Variants in CCAR1 observed in about 807,000 individuals in gnomAD.
CCAR1 encodes cell division cycle and apoptosis regulator 1, also known as cell division cycle and apoptosis regulator protein 1.
A neutral mutation model predicts 163.8 loss-of-function variants in CCAR1; 78 were observed. The ratio of observed to expected loss-of-function variants is 0.48; its 90% confidence interval spans 0.40 to 0.57. CCAR1 has a LOEUF of 0.57. Ranked by LOEUF, CCAR1 falls within the 20% of genes least tolerant of loss-of-function variation. The pLI, the probability that CCAR1 is intolerant of heterozygous loss-of-function variation, is 0.00. For synonymous variants in CCAR1, 443 were observed against 460.7 expected, an observed-to-expected ratio of 0.96 and a Z score of 0.49; for missense variants, 1,019 against 1,365.2, an observed-to-expected ratio of 0.75 and a Z score of 4.00.
chr10:68,722,282 G>A (rs2055870402), intron 1 of CCAR1, among the ~76,000 whole-genome samples, 173 bp from the exon 2 acceptor site: 1 of 152,134 alleles, frequency 6.6e-6, no homozygotes, highest in African/African-American at 2.4e-5. Flanking sequence ...GATGTAAAAT[G>A]TTTTTGCTGC....
At chr10:68,789,648 C>T (rs1470389782) in intron 23 of CCAR1, 62 bp from the exon 24 acceptor site, 1 of 961,606 alleles carries the variant, frequency 1.0e-6, no homozygotes, top group African/African-American at 1.7e-5. Flanking sequence ...AATATTTTAA[C>T]CTCAAAGTTA....
chr10:68,767,647 C>G (rs1317761603), intron 17 of CCAR1, among the ~76,000 whole-genome samples: 2 of 152,164 alleles, frequency 1.3e-5, no homozygotes, highest in Non-Finnish European at 2.9e-5. Flanking sequence ...CAGGTTTGAG[C>G]AGTTCCCCTC....
At chr10:68,770,897 G>A (rs537534159) in intron 17 of CCAR1, among the ~76,000 whole-genome samples, 31 of 152,282 alleles carry the variant, frequency 2.0e-4, no homozygotes, top group African/African-American at 7.5e-4. Context: ...CTGACATGGT[G>A]AAACCCTGTC....
chr10:68,725,065 C>T (rs570126672), intron 2 of CCAR1, among the ~76,000 whole-genome samples: 1 of 151,820 alleles, frequency 6.6e-6, no homozygotes, highest in South Asian at 2.1e-4. Flanking sequence ...TTGAACCCGG[C>T]GGAGGTTGCG....
At chr10:68,776,075 C>T (rs930332937) in intron 19 of CCAR1, among the ~76,000 whole-genome samples, 19 of 151,434 alleles carry the variant, frequency 1.3e-4, no homozygotes, top group East Asian at 1.2e-3. Context: ...GTGATTTACC[C>T]GCCTCAGCCT....
At chr10:68,762,561 T>G (rs2056486634) in intron 16 of CCAR1, among the ~76,000 whole-genome samples, 1 of 152,130 alleles carries the variant, frequency 6.6e-6, no homozygotes, top group Non-Finnish European at 1.5e-5. Flanking sequence ...TTTCTGAATT[T>G]GAAATATAGG....
chr10:68,758,583 A>G (rs1321664402), intron 15 of CCAR1, among the ~76,000 whole-genome samples: 1 of 149,412 alleles, frequency 6.7e-6, no homozygotes, highest in Admixed American at 6.7e-5. Flanking sequence ...ACACGTTTGT[A>G]TATATGTACA....
chr10:68,786,808 G>T, intron 21 of CCAR1, 116 bp downstream of exon 21: 1 of 846,208 alleles, frequency 1.2e-6, no homozygotes, highest in East Asian at 2.8e-5. Context: ...ATAAGGGCCA[G>T]GCGTGGTGGC....
At chr10:68,748,578 T>G (rs2133349244) in intron 8 of CCAR1, among the ~76,000 whole-genome samples, 1 of 144,864 alleles carries the variant, frequency 6.9e-6, no homozygotes, top group East Asian at 2.2e-4. Flanking sequence ...AACCTCCGCC[T>G]CCCCGGCTCA....
intron 19 of CCAR1, among the ~76,000 whole-genome samples, chr10:68,777,716 G>A (rs1461455263): frequency 6.7e-6 from 1 of 149,460 alleles, no homozygotes; most frequent in Non-Finnish European, 1.5e-5. Context: ...CAGATCACTT[G>A]AGCTCAGGAG....
intron 2 of CCAR1, among the ~76,000 whole-genome samples, chr10:68,732,542 TTTCAC>T (rs1228977748): frequency 0.015 from 2,332 of 152,074 alleles, 62 homozygotes; most frequent in African/African-American, 0.053. Context: ...AGAGATGGGG[TTTCAC>T]CGTGTTGGCC....
chr10:68,757,468 G>A lies in CCAR1; in HGVS notation c.1920+91G>A, dbSNP rs2056409539. ...CTCGCTCTGTCGCCCAGGCTGGAGT[G>A]TAGTGGCGCGATCTCGGCTCACTTC... On this transcript the variant is annotated intron_variant, in intron 15 of 24. Coordinates refer to ENST00000265872, the MANE Select transcript of CCAR1 (RefSeq NM_018237.4). 2.8e-5 allele frequency: 19 copies of A among 675,422 alleles called. No homozygotes were observed. The South Asian group carries it at 3.3e-4, about 12-fold the overall frequency. 41.8% of individuals were successfully genotyped at this position (675,422 alleles called of 1,614,324 possible). A position where few individuals can be genotyped will look rare whatever the true frequency, so the allele number is the denominator to read the frequency against.
chr10:68,730,350 T>A (rs1347040766), intron 2 of CCAR1, among the ~76,000 whole-genome samples: 1 of 150,854 alleles, frequency 6.6e-6, no homozygotes, highest in Admixed American at 6.6e-5. Context: ...TATATATTTA[T>A]TTTTTGAGAT....
Position 68,765,891 on chromosome 10 carries a change from G to C in CCAR1, c.2110G>C (p.Glu704Gln). The change falls in exon 17 of 25, where the codon GAA (glutamate) becomes CAA (glutamine). Residue 704 changes from glutamate to glutamine, a missense_variant. Glu to Gln is a conservative substitution (Grantham distance 29). Transcript: ENST00000265872. ...ACTTGAAATTTGAAATATTTAGGAAGAAGAAAGGAAACGTCAAGAGGAAAT... is the reference window on the plus strand; with the variant it reads ...ACTTGAAATTTGAAATATTTAGGAACAAGAAAGGAAACGTCAAGAGGAAAT... ...DRKSEDDKEE[E>Q]ERKRQEEIER... 6.2e-7 allele frequency: 1 copy of C among 1,610,530 alleles called. No individual in the cohort carries two copies. Among genetic ancestry groups the C allele is most frequent in the Non-Finnish European group, 8.5e-7 (1 of 1,178,152 alleles).
At chr10:68,788,403 C>A in intron 23 of CCAR1, 75 bp downstream of exon 23, 3 of 994,526 alleles carry the variant, frequency 3.0e-6, no homozygotes, top group Non-Finnish European at 4.3e-6. Flanking sequence ...TGTGTACATA[C>A]ATATATACGT....
chr10:68,792,196 A>C lies in CCAR1; in HGVS notation c.*930A>C, dbSNP rs533042901. 2.0e-5 allele frequency: 3 copies of C among 152,104 alleles called. No homozygotes were observed. In the East Asian group the frequency reaches 5.8e-4, roughly 29 times the overall value. The allele number at this position is 152,104 out of a possible 1,614,324, so 9.4% of individuals were successfully genotyped here. A position where few individuals can be genotyped will look rare whatever the true frequency, so the allele number is the denominator to read the frequency against. On this transcript the variant is annotated 3_prime_UTR_variant, in exon 25 of 25. Coordinates refer to ENST00000265872, the MANE Select transcript of CCAR1 (RefSeq NM_018237.4). ...CATAATATTAGTTGTCCTGATGTCA[A>C]TGTTACTGCTTTCAATTAATTTTTC...
intron 6 of CCAR1, among the ~76,000 whole-genome samples, chr10:68,744,284 A>G (rs947487487): frequency 6.6e-6 from 1 of 152,184 alleles, no homozygotes; most frequent in Non-Finnish European, 1.5e-5. Context: ...TCTAATTTTG[A>G]AATCTAATCT....
intron 24 of CCAR1, among the ~76,000 whole-genome samples, chr10:68,790,599 G>T (rs964602834): frequency 1.3e-5 from 2 of 151,804 alleles, no homozygotes; most frequent in Non-Finnish European, 2.9e-5. Context: ...CGCTATCTTG[G>T]CTCACTGCAG....
At chr10:68,737,469 C>T (rs555233529) in intron 3 of CCAR1, among the ~76,000 whole-genome samples, 15 of 144,826 alleles carry the variant, frequency 1.0e-4, no homozygotes, top group Middle Eastern at 3.7e-3. Context: ...CACCACTGCA[C>T]TCTGGGAGGC....
Sources: gnomAD v4.1 joint callset for allele counts (sites outside exome capture counted in the v4.1 genomes callset) on GRCh38, gnomAD v4.1.1 for gene constraint, MANE v1.5 for transcripts, NCBI Gene and HGNC (gene_info 2026-07-23, HGNC 2026-07-21) for gene names.